The following NAV2 variants were observed in gnomAD, a reference collection of about 807,000 sequenced individuals.
NAV2 encodes neuron navigator 2, also known as helicase, APC down-regulated 1.
A neutral mutation model predicts 223.2 loss-of-function variants in NAV2; 54 were observed. The observed-to-expected ratio is 0.24, with a 90% CI of 0.19 to 0.30. The LOEUF (loss-of-function observed/expected upper bound fraction) is 0.30. NAV2 is among the 10% of genes least tolerant of loss of function. The pLI is 1.00. For missense variants in NAV2, 2,806 were observed against 3,147.5 expected, an observed-to-expected ratio of 0.89 and a Z score of 2.60; for synonymous variants, 1,279 against 1,239.3, an observed-to-expected ratio of 1.03 and a Z score of -0.67.
chr11:19,951,306 CAA>C (rs2047379657), intron 10 of NAV2, among the ~76,000 whole-genome samples: 1 of 152,146 alleles, frequency 6.6e-6, no homozygotes, highest in African/African-American at 2.4e-5. Flanking sequence ...TACAGTACAA[CAA>C]ATTTCTGCTG....
At chr11:20,107,623 T>G (rs1447907431) in intron 35 of NAV2, 41 bp from the exon 36 acceptor site, 3 of 1,485,512 alleles carry the variant, frequency 2.0e-6, no homozygotes, top group South Asian at 2.3e-5. Flanking sequence ...CCATCACCCA[T>G]GCCCATTTGA....
intron 1 of NAV2, among the ~76,000 whole-genome samples, chr11:19,595,583 C>A (rs2046183955): frequency 6.6e-6 from 1 of 151,064 alleles, no homozygotes; most frequent in Admixed American, 6.6e-5. Context: ...GAGACAGGAT[C>A]TCACTCTGTT....
chr11:19,916,822 C>T (rs576837986), intron 6 of NAV2, among the ~76,000 whole-genome samples: 2 of 152,312 alleles, frequency 1.3e-5, no homozygotes, highest in African/African-American at 4.8e-5. Context: ...AGGTGGGGAG[C>T]TGGATTTGGC....
chr11:20,027,292 G>C (rs943815530), intron 11 of NAV2: 205 of 981,738 alleles, frequency 2.1e-4, no homozygotes, highest in Admixed American at 6.3e-4. Context: ...AAAGGATCTC[G>C]TTCCGCTCGG....
intron 1 of NAV2, among the ~76,000 whole-genome samples, chr11:19,593,957 G>A (rs2046131773): frequency 6.6e-6 from 1 of 152,052 alleles, no homozygotes; most frequent in Non-Finnish European, 1.5e-5. Context: ...TGCCAGCTAT[G>A]GGATTTGCAC....
rs926136786 is a variant in NAV2, at chr11:20,082,545, CT to C, written c.5326-456del. 6 of 1,610,942 alleles carry C rather than the reference CT, an allele frequency of 3.7e-6. No individual in the cohort carries two copies. The African/African-American group carries it at 5.3e-5, about 14-fold the overall frequency. Reference sequence around the variant, plus strand: ...CTGGCTTTCTCTGTTAAAAAATTGTCTTTTTTCCTCCCCCTTCCCCATTTTT... The same window carrying C: ...CTGGCTTTCTCTGTTAAAAAATTGTCTTTTTCCTCCCCCTTCCCCATTTTT... On this transcript the variant is annotated intron_variant, in intron 25 of 37. Coordinates refer to ENST00000349880, the MANE Select transcript of NAV2 (RefSeq NM_145117.5).
At chr11:19,376,197 A>G (rs1170936022) in intron 1 of NAV2, among the ~76,000 whole-genome samples, 1 of 152,112 alleles carries the variant, frequency 6.6e-6, no homozygotes, top group Non-Finnish European at 1.5e-5. Flanking sequence ...CCTGCTCAAA[A>G]CTTTTTCTCA....
intron 3 of NAV2, among the ~76,000 whole-genome samples, chr11:19,851,345 C>A (rs937282573): frequency 1.3e-5 from 2 of 152,170 alleles, no homozygotes; most frequent in African/African-American, 4.8e-5. Flanking sequence ...GGCAGACATT[C>A]CATTTGTAAC....
intron 11 of NAV2, among the ~76,000 whole-genome samples, chr11:19,990,389 C>G (rs998621500): frequency 6.6e-6 from 1 of 152,194 alleles, no homozygotes; most frequent in African/African-American, 2.4e-5. Context: ...AAAAACTTTT[C>G]TCTCCTGGTC....
rs114539099 is a variant in NAV2 at position 19,541,843 on chromosome 11, A to G, written c.75+190816A>G. 5.5e-3 allele frequency among the ~76,000 whole-genome samples: 845 copies of G among 152,296 alleles called. 6 individuals carry two copies. Among genetic ancestry groups the G allele is most frequent in the African/African-American group, 0.02 (822 of 41,554 alleles). On this transcript the variant is annotated intron_variant, in intron 1 of 37. Coordinates refer to the NAV2 transcript ENST00000360655. ...CCTGGTGTCCTGGCTCCATATGGCA[A>G]TGACTAGGAAGATGCCATTTTTCAA...
chr11:20,040,362 C>A (rs1196027393), intron 12 of NAV2, among the ~76,000 whole-genome samples: 4 of 152,156 alleles, frequency 2.6e-5, no homozygotes, highest in African/African-American at 9.7e-5. Flanking sequence ...ATGAATAGAA[C>A]CACTGTTTAT....
chr11:19,994,070 C>T (rs868464412), intron 11 of NAV2, among the ~76,000 whole-genome samples: 6 of 152,156 alleles, frequency 3.9e-5, no homozygotes, highest in African/African-American at 1.2e-4. Flanking sequence ...TCGGGGACTG[C>T]ATATGGTCCT....
intron 1 of NAV2, among the ~76,000 whole-genome samples, chr11:19,749,531 A>G (rs1422690024): frequency 6.6e-6 from 1 of 152,098 alleles, no homozygotes. Context: ...TTCCCCTTTC[A>G]TTTCCCTGGA....
intron 1 of NAV2, among the ~76,000 whole-genome samples, chr11:19,634,906 T>C (rs10833144): frequency 0.8 from 121,753 of 152,148 alleles, 53,475 homozygotes; most frequent in Non-Finnish European, 0.98. Context: ...GTAGAAGAGA[T>C]AGTATAGCTT....
At chr11:19,629,170 C>G (rs772198542) in intron 1 of NAV2, among the ~76,000 whole-genome samples, 10 of 152,230 alleles carry the variant, frequency 6.6e-5, no homozygotes, top group Non-Finnish European at 1.0e-4. Flanking sequence ...CGTCACATCT[C>G]TCTCTCCCAC....
At chr11:20,068,260 T>A (rs1407408044) in intron 21 of NAV2, 51 bp downstream of exon 21, 1 of 1,611,292 alleles carries the variant, frequency 6.2e-7, no homozygotes, top group Non-Finnish European at 8.5e-7. Context: ...TGTCAATTAT[T>A]TGACCCTGCT....
intron 6 of NAV2, among the ~76,000 whole-genome samples, chr11:19,927,623 C>T (rs184771777): frequency 1.2e-4 from 18 of 151,498 alleles, no homozygotes; most frequent in African/African-American, 4.1e-4. Context: ...GCCTGTGGTT[C>T]CAGCAGTGAG....
rs145736179 is a variant in NAV2 at position 19,764,557 on chromosome 11, G to A, written c.267+50595G>A. On this transcript the variant is annotated intron_variant, in intron 1 of 37. Transcript: ENST00000349880. ...TTGTTTTCTTATCAGTAAAATAGGA[G>A]AGACAAATGGAGAATTTTTTCCTTA... Among the ~76,000 whole-genome samples, 153 of 152,316 alleles carry A rather than the reference G, an allele frequency of 1.0e-3. 1 individual carries two copies. Among genetic ancestry groups the A allele is most frequent in the Admixed American group, 2.4e-3 (36 of 15,302 alleles).
chr11:19,698,604 T>C (rs1409022789), intron 1 of NAV2, among the ~76,000 whole-genome samples: 5 of 152,330 alleles, frequency 3.3e-5, no homozygotes, highest in African/African-American at 7.2e-5. Flanking sequence ...CGGCCACCCA[T>C]AGCCTTTGCT....
Sources: gnomAD v4.1 joint callset for allele counts (sites outside exome capture counted in the v4.1 genomes callset) on GRCh38, gnomAD v4.1.1 for gene constraint, MANE v1.5 for transcripts, NCBI Gene and HGNC (gene_info 2026-07-23, HGNC 2026-07-21) for gene names.